TSHZ2: variants seen among roughly 807,000 people sequenced by gnomAD.
TSHZ2 encodes the protein teashirt zinc finger homeobox 2.
A neutral mutation model predicts 74.4 loss-of-function variants in TSHZ2; 21 were observed. The observed-to-expected ratio is 0.28, with a 90% CI of 0.20 to 0.41. The LOEUF (loss-of-function observed/expected upper bound fraction) is 0.41. Among genes scored for constraint, TSHZ2 ranks in the 10% least tolerant of loss-of-function variants. The pLI is 1.00. For missense variants in TSHZ2, 1,244 were observed against 1,293.5 expected (o/e 0.96, Z 0.59); for synonymous variants, 540 against 515.3 (o/e 1.05, Z -0.65).
chr20:53,299,521 C>T (rs1456001635), intron 2 of TSHZ2, among the ~76,000 whole-genome samples: 1 of 152,190 alleles, frequency 6.6e-6, no homozygotes, highest in Non-Finnish European at 1.5e-5. Flanking sequence ...TCATTAACGT[C>T]ATCTTTTTTG....
intron 2 of TSHZ2, among the ~76,000 whole-genome samples, chr20:53,449,154 T>G (rs138387699): frequency 3.7e-4 from 56 of 152,252 alleles, no homozygotes; most frequent in African/African-American, 1.2e-3. Context: ...CCTTTTAATA[T>G]TAGTAACCAC....
At chr20:53,107,805 T>G (rs992839976) in intron 1 of TSHZ2, among the ~76,000 whole-genome samples, 2 of 152,050 alleles carry the variant, frequency 1.3e-5, no homozygotes, top group Non-Finnish European at 2.9e-5. Flanking sequence ...GTGGAATATT[T>G]GTTGATTTGA....
chr20:52,979,447 T>C (rs1377377215), intron 1 of TSHZ2, among the ~76,000 whole-genome samples: 1 of 152,192 alleles, frequency 6.6e-6, no homozygotes, highest in East Asian at 1.9e-4. Flanking sequence ...GCCGTATCCA[T>C]ATTGCTCATT....
chr20:53,281,843 C>A (rs1180059574), intron 2 of TSHZ2, among the ~76,000 whole-genome samples: 1 of 152,172 alleles, frequency 6.6e-6, no homozygotes, highest in Non-Finnish European at 1.5e-5. Context: ...GCTACCTTGG[C>A]TAATGACTGA....
At chr20:53,221,987 C>G (rs943972264) in intron 1 of TSHZ2, among the ~76,000 whole-genome samples, 1 of 152,114 alleles carries the variant, frequency 6.6e-6, no homozygotes, top group Non-Finnish European at 1.5e-5. Flanking sequence ...AAGAAACTGA[C>G]CAGGGTAATG....
intron 2 of TSHZ2, chr20:53,400,391 C>T (rs1319222586): frequency 6.6e-6 from 1 of 152,278 alleles, no homozygotes; most frequent in Non-Finnish European, 1.5e-5. Flanking sequence ...CAGCATAAGT[C>T]GAAGTTGCAA....
chr20:53,334,933 C>T (rs1979884180), intron 2 of TSHZ2, among the ~76,000 whole-genome samples: 1 of 152,136 alleles, frequency 6.6e-6, no homozygotes, highest in Admixed American at 6.5e-5. Flanking sequence ...CCACCAGCCT[C>T]GGCCTCTCAA....
intron 2 of TSHZ2, among the ~76,000 whole-genome samples, chr20:53,305,356 T>A (rs992310319): frequency 3.3e-5 from 5 of 152,320 alleles, no homozygotes; most frequent in Admixed American, 2.0e-4. Flanking sequence ...TGTAGCCCGG[T>A]AGAAGGCACA....
intron 1 of TSHZ2, among the ~76,000 whole-genome samples, chr20:53,000,303 C>T (rs780588313): frequency 9.2e-5 from 14 of 152,100 alleles, no homozygotes; most frequent in Non-Finnish European, 1.6e-4. Flanking sequence ...TGTCTCTTGG[C>T]CTGCAAAGCT....
rs562816856 is a variant in TSHZ2, at chr20:52,974,087, A to G, written c.40+754A>G. ...GAATCCTTACTGCCCCCTAAAAAAG[A>G]TAAGAACAGGTTAATGGATCAGTAC... On this transcript the variant is annotated intron_variant, in intron 1 of 2. Coordinates refer to ENST00000371497, the MANE Select transcript of TSHZ2 (RefSeq NM_173485.6). 2.1e-4 allele frequency among the ~76,000 whole-genome samples: 32 copies of G among 152,370 alleles called. No individual in the cohort carries two copies. In the South Asian group the frequency reaches 5.6e-3, roughly 27 times the overall value.
At chr20:53,427,004 G>A (rs1018466626) in intron 2 of TSHZ2, among the ~76,000 whole-genome samples, 2 of 152,116 alleles carry the variant, frequency 1.3e-5, no homozygotes, top group Non-Finnish European at 2.9e-5. Context: ...CTTGATTGAC[G>A]GGGTCAGATC....
chr20:53,053,569 GTA>G (rs1164984564), intron 1 of TSHZ2, among the ~76,000 whole-genome samples: 1 of 92,084 alleles, frequency 1.1e-5, no homozygotes, highest in African/African-American at 4.9e-5. Context: ...ATATATGTAT[GTA>G]TATGTGTGTG....
At chr20:52,986,129 C>T (rs1226012799) in intron 1 of TSHZ2, among the ~76,000 whole-genome samples, 2 of 152,106 alleles carry the variant, frequency 1.3e-5, no homozygotes, top group East Asian at 1.9e-4. Context: ...CAGTGGCTCA[C>T]GCCTGTAATC....
At position 53,054,114 on chromosome 20, in the gene TSHZ2, T is replaced by C. The variant is rs573718251; in HGVS notation, c.40+80781T>C. 7.5e-4 allele frequency among the ~76,000 whole-genome samples: 114 copies of C among 152,318 alleles called. 1 individual carries two copies. The highest frequency in any genetic ancestry group is 2.7e-3 in the African/African-American group (112 of 41,576). ...AATCGAGGAACGATGTACCACAAGG[T>C]GGCCCACACAAAAGCTATGTGGGCA... is the stretch of plus-strand genomic sequence containing the variant. On this transcript the variant is annotated intron_variant, in intron 1 of 2. Transcript: ENST00000371497.
At chr20:53,111,745 A>G (rs1359791185) in intron 1 of TSHZ2, among the ~76,000 whole-genome samples, 3 of 152,232 alleles carry the variant, frequency 2.0e-5, no homozygotes, top group Non-Finnish European at 1.5e-5. Context: ...AGAGGGGCCC[A>G]GTGCAAAATG....
chr20:53,301,173 G>A (rs1236288350), intron 2 of TSHZ2, among the ~76,000 whole-genome samples: 1 of 152,028 alleles, frequency 6.6e-6, no homozygotes, highest in South Asian at 2.1e-4. Flanking sequence ...GGCCAGGCTG[G>A]TCTTGAACTC....
At chr20:53,301,600 G>T (rs1026499692) in intron 2 of TSHZ2, among the ~76,000 whole-genome samples, 1 of 152,134 alleles carries the variant, frequency 6.6e-6, no homozygotes, top group African/African-American at 2.4e-5. Context: ...TCAACCAAAC[G>T]ACGTAGGAGC....
At chr20:53,050,139 G>GTACATATATACACATATATA (rs1266130140) in intron 1 of TSHZ2, among the ~76,000 whole-genome samples, 1 of 77,000 alleles carries the variant, frequency 1.3e-5, no homozygotes, top group African/African-American at 5.8e-5. Context: ...ATATATATAT[G>GTACATATATACACATATATA]TGTATATATA....
rs577994692 is a variant in TSHZ2, at chr20:53,382,480, G to T, written c.*9-104664G>T. Among the ~76,000 whole-genome samples, 4 of 152,266 alleles carry T rather than the reference G, an allele frequency of 2.6e-5. No individual in the cohort carries two copies. In the East Asian group the frequency reaches 7.7e-4, roughly 29 times the overall value. ...GGAGAAGGGGGAAGAAATCAATGAA[G>T]CTGTCCCAAGATTATCCCACCATAT... On this transcript the variant is annotated intron_variant, in intron 2 of 2. Coordinates refer to ENST00000371497, the MANE Select transcript of TSHZ2 (RefSeq NM_173485.6).
Sources: allele counts gnomAD v4.1 joint callset (sites outside exome capture counted in the v4.1 genomes callset), GRCh38; gene constraint gnomAD v4.1.1; transcripts MANE v1.5; gene names NCBI Gene and HGNC (gene_info 2026-07-23, HGNC 2026-07-21).